EXOC4: variants seen among roughly 807,000 people sequenced by gnomAD.
EXOC4 encodes the protein SEC8-like 1.
EXOC4 carries 71 observed loss-of-function variants against 107.2 expected under a neutral mutation model. That is an observed-to-expected ratio of 0.66 (90% CI 0.55 to 0.81). The LOEUF is 0.81. Ranked by LOEUF, EXOC4 falls within the 30% of genes least tolerant of loss-of-function variation. The pLI is 0.00. For synonymous variants in EXOC4, 456 were observed against 441.2 expected (o/e 1.03, Z -0.42); for missense variants, 1,108 against 1,189.6 (o/e 0.93, Z 1.01).
intron 11 of EXOC4, among the ~76,000 whole-genome samples, chr7:133,885,268 C>G (rs1052875139): frequency 4.0e-5 from 6 of 150,746 alleles, no homozygotes; most frequent in African/African-American, 1.5e-4. Context: ...GAGCCAAGAT[C>G]GCGCTGCTGC....
intron 7 of EXOC4, among the ~76,000 whole-genome samples, chr7:133,432,350 A>G (rs937605580): frequency 6.6e-6 from 1 of 152,180 alleles, no homozygotes; most frequent in Non-Finnish European, 1.5e-5. Flanking sequence ...GATGATAATA[A>G]TAAATTCCTA....
At chr7:133,937,536 C>G (rs1451589376) in intron 13 of EXOC4, among the ~76,000 whole-genome samples, 1 of 152,124 alleles carries the variant, frequency 6.6e-6, no homozygotes, top group Non-Finnish European at 1.5e-5. Flanking sequence ...ATTTAACACC[C>G]TAAGCTGTTT....
At chr7:133,838,937 G>A (rs1339161091) in intron 11 of EXOC4, among the ~76,000 whole-genome samples, 2 of 152,194 alleles carry the variant, frequency 1.3e-5, no homozygotes, top group African/African-American at 4.8e-5. Flanking sequence ...CTTAGGCAAT[G>A]TATTTGAAGT....
chr7:133,291,012 A>G (rs1376399063), intron 3 of EXOC4: 1 of 151,694 alleles, frequency 6.6e-6, no homozygotes, highest in Non-Finnish European at 1.5e-5. Context: ...ACATCTTTCC[A>G]CCTTTACAGA....
In EXOC4 at chr7:133,619,075, G is replaced by T. The variant is rs114709842; in HGVS notation, c.1418-10970G>T. 2.5e-3 allele frequency among the ~76,000 whole-genome samples: 376 copies of T among 149,268 alleles called. 5 individuals are homozygous for T. The highest frequency in any genetic ancestry group is 8.7e-3 in the African/African-American group (353 of 40,382). On this transcript the variant is annotated intron_variant, in intron 9 of 17. Coordinates refer to ENST00000253861, the MANE Select transcript of EXOC4 (RefSeq NM_021807.4). ...AAGCCTAAACAGCAACTATAGGTTT[G>T]CTGGTAAAGTTATTTAAAGCCACCT...
At chr7:133,344,541 A>T (rs1476892837) in intron 5 of EXOC4, among the ~76,000 whole-genome samples, 1 of 152,164 alleles carries the variant, frequency 6.6e-6, no homozygotes, top group Non-Finnish European at 1.5e-5. Flanking sequence ...CTGTCTTGTC[A>T]TCGGGTAGGA....
At chr7:134,058,859 C>G (rs1193127780) in intron 17 of EXOC4, among the ~76,000 whole-genome samples, 1 of 152,160 alleles carries the variant, frequency 6.6e-6, no homozygotes, top group East Asian at 1.9e-4. Flanking sequence ...AGACAAATCA[C>G]TAATACTCTG....
chr7:134,050,193 C>T (rs1400102830), intron 17 of EXOC4, among the ~76,000 whole-genome samples: 1 of 152,152 alleles, frequency 6.6e-6, no homozygotes, highest in Non-Finnish European at 1.5e-5. Context: ...GTAATTGTCT[C>T]TAGGAAAGGA....
chr7:133,651,042 C>T (rs1803137772), intron 10 of EXOC4, among the ~76,000 whole-genome samples: 1 of 138,004 alleles, frequency 7.2e-6, no homozygotes, highest in Non-Finnish European at 1.5e-5. Flanking sequence ...TATGATTGTG[C>T]AAGTTTCTTT....
At chr7:133,591,977 C>T (rs1018106899) in intron 9 of EXOC4, among the ~76,000 whole-genome samples, 1 of 152,134 alleles carries the variant, frequency 6.6e-6, no homozygotes, top group African/African-American at 2.4e-5. Context: ...TAAAATTCAC[C>T]TCCTGGGATT....
intron 11 of EXOC4, among the ~76,000 whole-genome samples, chr7:133,834,238 C>G (rs1302514244): frequency 6.6e-6 from 1 of 152,116 alleles, no homozygotes; most frequent in Non-Finnish European, 1.5e-5. Flanking sequence ...GTTAGATACC[C>G]AGGCATGCCA....
chr7:133,900,151 G>A (rs1045826938), intron 12 of EXOC4, among the ~76,000 whole-genome samples: 1 of 152,166 alleles, frequency 6.6e-6, no homozygotes, highest in African/African-American at 2.4e-5. Flanking sequence ...CCAAGATGCT[G>A]TGAGGGTGTG....
At chr7:133,615,538 A>G (rs1802174890) in intron 9 of EXOC4, among the ~76,000 whole-genome samples, 1 of 152,144 alleles carries the variant, frequency 6.6e-6, no homozygotes, top group South Asian at 2.1e-4. Flanking sequence ...CTGGAATGGG[A>G]GAAGCAACCC....
chr7:133,872,407 G>T (rs942076544), intron 11 of EXOC4, among the ~76,000 whole-genome samples: 11 of 152,138 alleles, frequency 7.2e-5, no homozygotes, highest in Non-Finnish European at 1.0e-4. Flanking sequence ...GACAGAGTGA[G>T]AGATGTGTGT....
At chr7:133,641,361 A>C (rs1301790994) in intron 10 of EXOC4, among the ~76,000 whole-genome samples, 2 of 152,236 alleles carry the variant, frequency 1.3e-5, no homozygotes, top group Non-Finnish European at 2.9e-5. Flanking sequence ...CAGTATGTCT[A>C]CAGTACCTTT....
chr7:133,395,437 C>T (rs1261556740), intron 7 of EXOC4, among the ~76,000 whole-genome samples: 6 of 151,968 alleles, frequency 3.9e-5, no homozygotes, highest in Non-Finnish European at 7.4e-5. Flanking sequence ...TGGGAAAATT[C>T]TTGTATTTTA....
At chr7:133,494,252 C>G (rs890290720) in intron 9 of EXOC4, among the ~76,000 whole-genome samples, 2 of 152,048 alleles carry the variant, frequency 1.3e-5, no homozygotes, top group Admixed American at 6.6e-5. Flanking sequence ...TAGACACACT[C>G]AGAAATAATG....
At chr7:133,645,184 C>T (rs889829923) in intron 10 of EXOC4, among the ~76,000 whole-genome samples, 5 of 151,272 alleles carry the variant, frequency 3.3e-5, no homozygotes, top group South Asian at 4.2e-4. Flanking sequence ...CTCCGCCTCC[C>T]GGGTTCAAGT....
chr7:133,341,787 C>T (rs748432450), intron 5 of EXOC4, among the ~76,000 whole-genome samples: 1 of 151,966 alleles, frequency 6.6e-6, no homozygotes, highest in African/African-American at 2.4e-5. Context: ...TATCTAATGT[C>T]CCTCTTTGTC....
Sources: allele counts gnomAD v4.1 joint callset (sites outside exome capture counted in the v4.1 genomes callset), GRCh38; gene constraint gnomAD v4.1.1; transcripts MANE v1.5; gene names NCBI Gene and HGNC (gene_info 2026-07-23, HGNC 2026-07-21).